NTRK2: variants seen among roughly 807,000 people sequenced by gnomAD.
NTRK2 encodes BDNF/NT-3 growth factors receptor.
In NTRK2, 13 loss-of-function variants were observed where a neutral mutation model predicts 94.5. The observed-to-expected ratio is 0.14, with a 90% CI of 0.09 to 0.22. The LOEUF (loss-of-function observed/expected upper bound fraction) is 0.22. Among genes scored for constraint, NTRK2 ranks in the 10% least tolerant of loss-of-function variants. The pLI, the probability that NTRK2 is intolerant of heterozygous loss-of-function variation, is 1.00. For missense variants in NTRK2, 639 were observed against 1,071.2 expected, an observed-to-expected ratio of 0.60 and a Z score of 5.63; for synonymous variants, 372 against 407.4, an observed-to-expected ratio of 0.91 and a Z score of 1.05.
At chr9:84,874,723 C>T (rs537885604) in intron 14 of NTRK2, 5 of 1,061,802 alleles carry the variant, frequency 4.7e-6, no homozygotes, top group Non-Finnish European at 5.7e-6. Context: ...AGCCACTGCC[C>T]TCTGAGACTG....
intron 14 of NTRK2, among the ~76,000 whole-genome samples, chr9:84,870,346 T>TATATATATATATATAC (rs2075811413): frequency 8.5e-6 from 1 of 118,236 alleles, no homozygotes; most frequent in African/African-American, 3.0e-5. Context: ...TATATATATA[T>TATATATATATATATAC]ATATATATAT....
At chr9:84,813,161 G>C (rs1305942908) in intron 12 of NTRK2, 3 of 1,045,508 alleles carry the variant, frequency 2.9e-6, no homozygotes, top group Non-Finnish European at 3.5e-6. Flanking sequence ...TCCAATAAAG[G>C]TTCTGGCACT....
intron 14 of NTRK2, among the ~76,000 whole-genome samples, chr9:84,918,745 C>T (rs1029911503): frequency 7.2e-5 from 11 of 152,168 alleles, no homozygotes; most frequent in Non-Finnish European, 1.0e-4. Flanking sequence ...ATAATTCTTT[C>T]GTTCCGATTA....
intron 4 of NTRK2, among the ~76,000 whole-genome samples, chr9:84,706,452 G>A (rs13290917): frequency 0.091 from 13,762 of 151,404 alleles, 1,102 homozygotes; most frequent in African/African-American, 0.21. Flanking sequence ...TTGGGCTGAC[G>A]GCAAAGAGTA....
At chr9:84,786,999 A>G (rs977977418) in intron 12 of NTRK2, among the ~76,000 whole-genome samples, 2 of 148,192 alleles carry the variant, frequency 1.3e-5, no homozygotes, top group Non-Finnish European at 2.9e-5. Flanking sequence ...AATGCAGATT[A>G]AAAAAAATGA....
At chr9:84,952,384 A>C (rs1823576268) in intron 16 of NTRK2, among the ~76,000 whole-genome samples, 1 of 152,212 alleles carries the variant, frequency 6.6e-6, no homozygotes, top group South Asian at 2.1e-4. Flanking sequence ...TGGACAGCTA[A>C]GTCAGGCCCA....
chr9:84,722,160 CTTTTTTTTTTTTTTT>C (rs36100177), intron 6 of NTRK2, among the ~76,000 whole-genome samples: 212 of 67,094 alleles, frequency 3.2e-3, no homozygotes, highest in African/African-American at 0.012. Flanking sequence ...CTATTAGGGG[CTTTTTTTTTTTTTTT>C]TTTTTTTTTG....
chr9:84,842,824 G>C (rs2131805029), intron 12 of NTRK2, among the ~76,000 whole-genome samples: 1 of 152,338 alleles, frequency 6.6e-6, no homozygotes, highest in South Asian at 2.1e-4. Context: ...TAGAGCCAAT[G>C]CAAAGGCCTT....
chr9:84,920,198 G>A (rs1007695861), intron 14 of NTRK2, among the ~76,000 whole-genome samples: 1 of 152,144 alleles, frequency 6.6e-6, no homozygotes, highest in Non-Finnish European at 1.5e-5. Flanking sequence ...CATTCATAAG[G>A]TGGAGGGACA....
chr9:84,877,774 A>G (rs200581908), intron 14 of NTRK2: 30 of 1,054,616 alleles, frequency 2.8e-5, no homozygotes, highest in Admixed American at 5.4e-5. Context: ...TGAGTGACCA[A>G]TGGAGCTTGG....
At chr9:84,795,411 A>G (rs1369987418) in intron 12 of NTRK2, among the ~76,000 whole-genome samples, 1 of 152,092 alleles carries the variant, frequency 6.6e-6, no homozygotes, top group African/African-American at 2.4e-5. Flanking sequence ...GGAACTATGG[A>G]TGTTCTAACT....
chr9:84,772,470 A>G (rs1439761906), intron 12 of NTRK2, among the ~76,000 whole-genome samples: 1 of 152,048 alleles, frequency 6.6e-6, no homozygotes, highest in Non-Finnish European at 1.5e-5. Flanking sequence ...CTGGTTTCAA[A>G]CTTCTGGCCT....
intron 14 of NTRK2, among the ~76,000 whole-genome samples, chr9:84,894,380 T>G (rs1188082435): frequency 1.3e-5 from 2 of 152,194 alleles, no homozygotes; most frequent in Non-Finnish European, 2.9e-5. Context: ...TATTGGGACA[T>G]GGACTGCTGA....
intron 14 of NTRK2, among the ~76,000 whole-genome samples, chr9:84,885,379 T>C (rs2076381665): frequency 6.6e-6 from 1 of 152,194 alleles, no homozygotes; most frequent in South Asian, 2.1e-4. Context: ...TTTTGAAGAA[T>C]GGCTATCATA....
At chr9:84,982,854 G>C (rs568051920) in intron 17 of NTRK2, among the ~76,000 whole-genome samples, 1 of 152,226 alleles carries the variant, frequency 6.6e-6, no homozygotes, top group Admixed American at 6.5e-5. Flanking sequence ...CCACAAAGAC[G>C]AGTAGACAAA....
intron 17 of NTRK2, among the ~76,000 whole-genome samples, chr9:85,004,815 A>G (rs969342081): frequency 6.6e-6 from 1 of 152,222 alleles, no homozygotes; most frequent in African/African-American, 2.4e-5. Context: ...CAGTGATGTG[A>G]TCACATAACA....
intron 12 of NTRK2, among the ~76,000 whole-genome samples, chr9:84,835,751 A>G (rs1004539724): frequency 2.2e-4 from 34 of 152,240 alleles, no homozygotes; most frequent in African/African-American, 7.7e-4. Context: ...CTATTCTGAA[A>G]TCCTGTGTGT....
chr9:84,986,761 A>T (rs1828365496), intron 17 of NTRK2, among the ~76,000 whole-genome samples: 1 of 152,258 alleles, frequency 6.6e-6, no homozygotes, highest in Non-Finnish European at 1.5e-5. Context: ...GAGAGAATGT[A>T]AGGGAGACAG....
chr9:84,847,382 T>G (rs2074522887), intron 12 of NTRK2, among the ~76,000 whole-genome samples: 1 of 152,214 alleles, frequency 6.6e-6, no homozygotes, highest in Admixed American at 6.5e-5. Flanking sequence ...TAGTGGAGAT[T>G]TATTGTTTCA....
Sources: allele counts gnomAD v4.1 joint callset (sites outside exome capture counted in the v4.1 genomes callset), GRCh38; gene constraint gnomAD v4.1.1; transcripts MANE v1.5; gene names NCBI Gene and HGNC (gene_info 2026-07-23, HGNC 2026-07-21).